Variants in GREB1 observed in about 807,000 individuals in gnomAD.
GREB1 encodes the protein growth regulating estrogen receptor binding 1.
GREB1 carries 106 observed loss-of-function variants against 200.7 expected under a neutral mutation model. That is an observed-to-expected ratio of 0.53 (90% CI 0.45 to 0.62). The LOEUF (loss-of-function observed/expected upper bound fraction) is 0.62, where lower values mean the gene tolerates loss of function less well. Among genes scored for constraint, GREB1 ranks in the 20% least tolerant of loss-of-function variants. The pLI is 0.00. For synonymous variants in GREB1, 1,132 were observed against 1,092.4 expected (o/e 1.04, Z -0.72); for missense variants, 2,243 against 2,556.8 (o/e 0.88, Z 2.65).
At chr2:11,596,382 A>T in intron 13 of GREB1, 143 bp downstream of exon 13, 2 of 322,470 alleles carry the variant, frequency 6.2e-6, no homozygotes, top group Non-Finnish European at 1.1e-5. Context: ...AGATGTGTAT[A>T]GTGAGGGGGG....
At chr2:11,511,734 G>C (rs965378726) in intron 1 of GREB1, among the ~76,000 whole-genome samples, 1 of 152,124 alleles carries the variant, frequency 6.6e-6, no homozygotes, top group Non-Finnish European at 1.5e-5. Flanking sequence ...CTGCACAGTG[G>C]GCTTTCATAT....
intron 21 of GREB1, among the ~76,000 whole-genome samples, chr2:11,617,765 T>C (rs982325440): frequency 2.6e-5 from 4 of 152,026 alleles, no homozygotes; most frequent in African/African-American, 9.7e-5. Flanking sequence ...AGGGAGCGGC[T>C]GAGAGTCCCT....
In GREB1 at chr2:11,610,749, G is replaced by A. The variant is rs1460472884; in HGVS notation, c.2728G>A (p.Ala910Thr). 2.5e-6 allele frequency: 4 copies of A among 1,613,376 alleles called. No homozygotes were observed. Among genetic ancestry groups the A allele is most frequent in the East Asian group, 2.2e-5 (1 of 44,890 alleles). ...TFVLVQHYAA[A>T]LMAVSGLPQM... is the part of the protein sequence containing the mutation. Reference sequence around the variant, plus strand: ...TGTTCTCGTGCAGCACTACGCGGCCGCCCTGATGGCCGTAAGCGGCCTCCC... The same window carrying A: ...TGTTCTCGTGCAGCACTACGCGGCCACCCTGATGGCCGTAAGCGGCCTCCC... The change falls in exon 18 of 33, where the codon GCC becomes ACC. Residue 910 changes from alanine to threonine, a missense_variant. This residue lies in a region of GREB1 where 1,178 missense variants were observed against 1,387.4 expected (regional missense o/e 0.85). Coordinates refer to ENST00000381486, the MANE Select transcript of GREB1 (RefSeq NM_014668.4).
intron 1 of GREB1, among the ~76,000 whole-genome samples, chr2:11,505,221 G>A (rs780122718): frequency 4.6e-5 from 7 of 152,150 alleles, no homozygotes; most frequent in Admixed American, 2.6e-4. Context: ...ATGAGCCACC[G>A]TGCCTGGCAG....
intron 17 of GREB1, among the ~76,000 whole-genome samples, chr2:11,606,478 G>A (rs1682304080): frequency 6.6e-6 from 1 of 152,026 alleles, no homozygotes; most frequent in Admixed American, 6.6e-5. Context: ...TATCATCTTT[G>A]GTGAAGTGTC....
rs1402825448 is a variant in GREB1 at position 11,633,796 on chromosome 2, T to C, written c.4992-335T>C. Among the ~76,000 whole-genome samples, 3 of 152,138 alleles carry C rather than the reference T, an allele frequency of 2.0e-5. No individual in the cohort carries two copies. The highest frequency in any genetic ancestry group is 4.8e-5 in the African/African-American group (2 of 41,428). ...CACCCCTCCTCACTAGCCTGACTGC[T>C]GACTCCTAGCTTTATTTTTATTTGC... On this transcript the variant is annotated intron_variant, in intron 28 of 32. Transcript: ENST00000381486. The surrounding 1 kb of genome is among the most constrained non-coding windows in gnomAD (Gnocchi z 4.1).
At chr2:11,485,097 G>T (rs1672623848) in intron 1 of GREB1, among the ~76,000 whole-genome samples, 1 of 152,174 alleles carries the variant, frequency 6.6e-6, no homozygotes, top group African/African-American at 2.4e-5. Context: ...AGAGTGCTGG[G>T]ATTACAGGCT....
At chr2:11,581,988 G>A (rs892322296) in intron 7 of GREB1, among the ~76,000 whole-genome samples, 1 of 152,226 alleles carries the variant, frequency 6.6e-6, no homozygotes, top group African/African-American at 2.4e-5. Context: ...CCAGGCAGTA[G>A]CTGAGTCCCG....
chr2:11,519,053 C>T (rs1448758155), intron 1 of GREB1, among the ~76,000 whole-genome samples: 4 of 149,444 alleles, frequency 2.7e-5, no homozygotes, highest in South Asian at 2.1e-4. Flanking sequence ...GCCGAGATCG[C>T]GCCACTGCAC....
chr2:11,593,831 TG>T (rs2148191684), intron 11 of GREB1, among the ~76,000 whole-genome samples: 1 of 152,202 alleles, frequency 6.6e-6, no homozygotes, highest in East Asian at 1.9e-4. Context: ...TTCTAGAGGC[TG>T]GGGGCCCACA....
chr2:11,636,707 C>T (rs1039664256), intron 30 of GREB1, among the ~76,000 whole-genome samples: 1 of 150,564 alleles, frequency 6.6e-6, no homozygotes. Context: ...GAGTGAGCCA[C>T]GTGCCCAGGC....
rs1432109373 is a variant in GREB1 at position 11,637,764 on chromosome 2, C to G, written c.5395C>G (p.Pro1799Ala). The change falls in exon 31 of 33, where the codon CCG becomes GCG. Residue 1799 changes from proline to alanine, a missense_variant. By Grantham distance (27) the Pro-to-Ala change is conservative (BLOSUM62 -1). Coordinates refer to ENST00000381486, the MANE Select transcript of GREB1 (RefSeq NM_014668.4). Reference sequence around the variant, plus strand: ...CGTGCCGGCCCAGTACATCTGTGCCCCGGACAGCAAGCACACGTTCCTCGC... The same window carrying G: ...CGTGCCGGCCCAGTACATCTGTGCCGCGGACAGCAAGCACACGTTCCTCGC... The part of the protein sequence containing the change: ...AVVPAQYICA[P>A]DSKHTFLAAP... 8 of 1,613,848 alleles carry G rather than the reference C, an allele frequency of 5.0e-6. No homozygotes were observed. The East Asian group carries it at 1.8e-4, about 36-fold the overall frequency.
chr2:11,486,737 G>A (rs1409024401), intron 1 of GREB1, among the ~76,000 whole-genome samples: 3 of 151,906 alleles, frequency 2.0e-5, no homozygotes, highest in Admixed American at 1.3e-4. Flanking sequence ...GCGTGGTGGT[G>A]TGTGCCTGTA....
chr2:11,592,566 A>G (rs1237633073), intron 10 of GREB1, among the ~76,000 whole-genome samples: 1 of 152,136 alleles, frequency 6.6e-6, no homozygotes, highest in Non-Finnish European at 1.5e-5. Flanking sequence ...TCATATGGAA[A>G]AAAAGACTGA....
rs190915398 is a variant in GREB1, at chr2:11,576,258, G to T, written c.455-95G>T. 126 of 996,196 alleles carry T rather than the reference G, an allele frequency of 1.3e-4. No homozygotes were observed. In the East Asian group the frequency reaches 2.5e-3, roughly 20 times the overall value. 61.7% of individuals were successfully genotyped at this position (996,196 alleles called of 1,614,324 possible). A position where few individuals can be genotyped will look rare whatever the true frequency, so the allele number is the denominator to read the frequency against. ...GGAGATAGAGGTTGCAGCGAGCCGA[G>T]ATCGCACCATTGCATTCCAGCCTAG... On this transcript the variant is annotated intron_variant, in intron 4 of 32. Coordinates refer to ENST00000381486, the MANE Select transcript of GREB1 (RefSeq NM_014668.4).
Position 11,592,924 on chromosome 2 carries a change from C to T in GREB1, c.1494C>T (p.Ser498=), listed in dbSNP as rs1161611315. The T allele has an allele frequency of 3.2e-6, 5 of 1,583,898 alleles. No individual in the cohort carries two copies. Among genetic ancestry groups the T allele is most frequent in the East Asian group, 2.3e-5 (1 of 43,246 alleles). ...CCAGCGCCGCGGCACCCGTGACCTC[C>T]GCGCAGCTGCCCTGGCTGGCCAGCC... ...PAPSAAAPVT[S]AQLPWLASLA... Residue 498 remains serine, a synonymous_variant, in exon 11 of 33, where the codon TCC becomes TCT. Coordinates refer to ENST00000381486, the MANE Select transcript of GREB1 (RefSeq NM_014668.4).
chr2:11,524,765 C>T (rs1673816524), intron 1 of GREB1, among the ~76,000 whole-genome samples: 1 of 152,162 alleles, frequency 6.6e-6, no homozygotes, highest in African/African-American at 2.4e-5. Context: ...GTCCATCCCC[C>T]CACTTCCTGG....
intron 7 of GREB1, among the ~76,000 whole-genome samples, chr2:11,581,935 C>A (rs1017684278): frequency 2.0e-5 from 3 of 152,224 alleles, no homozygotes; most frequent in African/African-American, 7.2e-5. Flanking sequence ...GCCTCCCAAC[C>A]AGCACCTCCA....
At chr2:11,599,647 A>T (rs1230522503) in intron 15 of GREB1, among the ~76,000 whole-genome samples, 3 of 151,204 alleles carry the variant, frequency 2.0e-5, no homozygotes, top group Non-Finnish European at 4.4e-5. Context: ...CAGCCTCCTG[A>T]GTAGCTGGGA....
Sources: gnomAD v4.1 joint callset for allele counts (sites outside exome capture counted in the v4.1 genomes callset) on GRCh38, gnomAD v4.1.1 for gene constraint, gnomAD v4.1.1 regional missense constraint, Gnocchi (gnomAD v3.1) non-coding constraint, MANE v1.5 for transcripts, NCBI Gene and HGNC (gene_info 2026-07-23, HGNC 2026-07-21) for gene names.